Variants in PTPRN2 observed in about 807,000 individuals in gnomAD.
PTPRN2 encodes receptor-type tyrosine-protein phosphatase N2.
In PTPRN2, 74 loss-of-function variants were observed where a neutral mutation model predicts 118.8. The ratio of observed to expected loss-of-function variants is 0.62; its 90% CI spans 0.52 to 0.76. PTPRN2 has a LOEUF of 0.76. PTPRN2 is among the 30% of genes least tolerant of loss of function. PTPRN2 has a pLI of 0.00. For missense variants in PTPRN2, 1,481 were observed against 1,394.4 expected (o/e 1.06, Z -0.99); for synonymous variants, 641 against 608.0 (o/e 1.05, Z -0.80).
chr7:158,482,236 A>C (rs1440589157), intron 2 of PTPRN2, among the ~76,000 whole-genome samples: 1 of 152,254 alleles, frequency 6.6e-6, no homozygotes, highest in East Asian at 1.9e-4. Flanking sequence ...TTATTTGATA[A>C]GGCAGTGGCA....
intron 6 of PTPRN2, among the ~76,000 whole-genome samples, chr7:158,161,452 G>C (rs1822349971): frequency 6.6e-6 from 1 of 152,198 alleles, no homozygotes; most frequent in South Asian, 2.1e-4. Context: ...GGTCAGCCGA[G>C]CTTTGAAAAG....
At chr7:157,650,918 C>T (rs946096431) in intron 14 of PTPRN2, among the ~76,000 whole-genome samples, 1 of 152,212 alleles carries the variant, frequency 6.6e-6, no homozygotes, top group Non-Finnish European at 1.5e-5. Context: ...ACAGAGATCT[C>T]TCAAGGTGCA....
At chr7:158,190,771 C>T (rs939726112) in intron 5 of PTPRN2, among the ~76,000 whole-genome samples, 1 of 152,404 alleles carries the variant, frequency 6.6e-6, no homozygotes, top group Admixed American at 6.5e-5. Flanking sequence ...CACCCCGTGG[C>T]CCCTGCATGG....
At chr7:157,612,432 G>T (rs954111718) in intron 15 of PTPRN2, among the ~76,000 whole-genome samples, 3 of 152,212 alleles carry the variant, frequency 2.0e-5, no homozygotes, top group Non-Finnish European at 2.9e-5. Context: ...AAACGGCTGG[G>T]GGGCGCCTCC....
chr7:158,363,750 G>A (rs7785648), intron 2 of PTPRN2, among the ~76,000 whole-genome samples: 132,971 of 152,234 alleles, frequency 0.87, 58,839 homozygotes, highest in Non-Finnish European at 0.94. Context: ...GGCGGGGCAC[G>A]GGCCTGGGAA....
At chr7:157,703,550 A>G (rs924146146) in intron 12 of PTPRN2, among the ~76,000 whole-genome samples, 2 of 151,262 alleles carry the variant, frequency 1.3e-5, no homozygotes, top group Non-Finnish European at 3.0e-5. Flanking sequence ...AGTGGAGGGT[A>G]ACTACTGGAG....
chr7:157,739,170 C>A (rs1431121631), intron 12 of PTPRN2: 1 of 152,244 alleles, frequency 6.6e-6, no homozygotes, highest in Non-Finnish European at 1.5e-5. Context: ...CCCAAGGTCA[C>A]ACGGTTAATC....
At chr7:158,192,907 G>A (rs1825894704) in intron 4 of PTPRN2, among the ~76,000 whole-genome samples, 1 of 152,212 alleles carries the variant, frequency 6.6e-6, no homozygotes, top group Non-Finnish European at 1.5e-5. Context: ...CTTCTGCTGG[G>A]TTTGTGGGTA....
At chr7:157,854,587 G>C (rs1809541140) in intron 12 of PTPRN2, 1 of 152,482 alleles carries the variant, frequency 6.6e-6, no homozygotes, top group South Asian at 2.1e-4. Context: ...GGGCAAGAGA[G>C]GCCAGGACCA....
At chr7:158,314,339 A>T (rs1488772914) in intron 3 of PTPRN2, among the ~76,000 whole-genome samples, 1 of 152,234 alleles carries the variant, frequency 6.6e-6, no homozygotes, top group African/African-American at 2.4e-5. Context: ...GAAGGGTGAA[A>T]CACAGAGTAA....
rs1268288649 is a variant in PTPRN2, at chr7:158,136,932, A to G, written c.1133-237T>C. Among the ~76,000 whole-genome samples the G allele has an allele frequency of 2.0e-5, 3 of 152,322 alleles. 1 individual carries two copies. Among genetic ancestry groups the G allele is most frequent in the South Asian group, 2.1e-4 (1 of 4,830 alleles). ...AAATGGTAGACGTGAAGGCAGCCACAATGACCTCACCCAGCTCTGGGGGTC... is the reference window on the plus strand; with the variant it reads ...AAATGGTAGACGTGAAGGCAGCCACGATGACCTCACCCAGCTCTGGGGGTC... On this transcript the variant is annotated intron_variant, in intron 7 of 22. Coordinates refer to ENST00000389418, the MANE Select transcript of PTPRN2 (RefSeq NM_002847.5).
intron 11 of PTPRN2, among the ~76,000 whole-genome samples, chr7:157,915,226 C>T (rs1324753196): frequency 6.6e-6 from 1 of 152,144 alleles, no homozygotes; most frequent in Non-Finnish European, 1.5e-5. Context: ...ATTTTACTTG[C>T]AGGTATTCTT....
intron 11 of PTPRN2, among the ~76,000 whole-genome samples, chr7:158,008,390 G>A (rs1805813874): frequency 6.6e-6 from 1 of 152,210 alleles, no homozygotes; most frequent in African/African-American, 2.4e-5. Context: ...TTACAGAGAA[G>A]GCCGCGGGGG....
Position 157,853,819 on chromosome 7 carries a change from G to A in PTPRN2, c.1788+44854C>T, listed in dbSNP as rs117837807. On this transcript the variant is annotated intron_variant, in intron 12 of 22. Transcript: ENST00000389418. ...CAGTACCTGTGGACGTGACCTTATC[G>A]GGGAATAGGGTCTTTGTGGAGGTAA... is the stretch of plus-strand genomic sequence containing the variant. 9.3e-3 allele frequency among the ~76,000 whole-genome samples: 1,412 copies of A among 152,242 alleles called. 9 individuals are homozygous for A. The highest frequency in any genetic ancestry group is 0.016 in the Non-Finnish European group (1,097 of 68,024).
At chr7:158,501,043 G>A (rs1333804213) in intron 1 of PTPRN2, among the ~76,000 whole-genome samples, 3 of 152,268 alleles carry the variant, frequency 2.0e-5, no homozygotes, top group Non-Finnish European at 4.4e-5. Flanking sequence ...AATGTGTGAG[G>A]CTCGGAGCAC....
intron 3 of PTPRN2, among the ~76,000 whole-genome samples, chr7:158,298,123 CG>C (rs1193028126): frequency 6.6e-6 from 1 of 151,902 alleles, no homozygotes; most frequent in Non-Finnish European, 1.5e-5. Flanking sequence ...TTGTCATTGT[CG>C]GTAAAAAGAG....
intron 2 of PTPRN2, among the ~76,000 whole-genome samples, chr7:158,335,188 A>T (rs62480945): frequency 0.042 from 458 of 11,032 alleles, 8 homozygotes; most frequent in Non-Finnish European, 0.094. Context: ...TCACACCCAC[A>T]CTGTCACCAT....
intron 11 of PTPRN2, among the ~76,000 whole-genome samples, chr7:157,993,940 G>A (rs1289606682): frequency 2.6e-5 from 4 of 152,122 alleles, no homozygotes; most frequent in African/African-American, 4.8e-5. Context: ...CCCTGCGCCC[G>A]TGTCTGGAGT....
intron 12 of PTPRN2, among the ~76,000 whole-genome samples, chr7:157,884,862 C>T (rs1458208131): frequency 6.6e-6 from 1 of 152,128 alleles, no homozygotes; most frequent in African/African-American, 2.4e-5. Flanking sequence ...TGGGTGGGGA[C>T]ACAGCCAAAC....
Sources: gnomAD v4.1 joint callset for allele counts (sites outside exome capture counted in the v4.1 genomes callset) on GRCh38, gnomAD v4.1.1 for gene constraint, MANE v1.5 for transcripts, NCBI Gene and HGNC (gene_info 2026-07-23, HGNC 2026-07-21) for gene names.